Variants in ARHGAP10 observed in about 807,000 individuals in gnomAD.
ARHGAP10 encodes rho GTPase-activating protein 10.
In ARHGAP10, 87 loss-of-function variants were observed where a neutral mutation model predicts 108.6. That is an observed-to-expected ratio of 0.80 (90% CI 0.67 to 0.96). The LOEUF (loss-of-function observed/expected upper bound fraction) is 0.96. Among genes scored for constraint, ARHGAP10 ranks in the 40% least tolerant of loss-of-function variants. The pLI is 0.00. For synonymous variants in ARHGAP10, 347 were observed against 341.1 expected (o/e 1.02, Z -0.19); for missense variants, 939 against 954.5 (o/e 0.98, Z 0.21).
At chr4:147,785,015 T>C (rs1730824237) in intron 1 of ARHGAP10, among the ~76,000 whole-genome samples, 1 of 133,506 alleles carries the variant, frequency 7.5e-6, no homozygotes, top group Non-Finnish European at 1.5e-5. Flanking sequence ...TGTTATATAT[T>C]ATAAAATATA....
At chr4:147,821,051 C>T (rs1407421808) in intron 1 of ARHGAP10, among the ~76,000 whole-genome samples, 1 of 152,134 alleles carries the variant, frequency 6.6e-6, no homozygotes, top group Non-Finnish European at 1.5e-5. Context: ...CATGCATGTA[C>T]AGGGCTGGCT....
chr4:147,815,170 C>G (rs1450789367), intron 1 of ARHGAP10, among the ~76,000 whole-genome samples: 1 of 152,316 alleles, frequency 6.6e-6, no homozygotes, highest in East Asian at 1.9e-4. Flanking sequence ...CCTGCTGCCG[C>G]CCTTGTCCAC....
At chr4:147,888,176 C>T (rs992841789) in intron 10 of ARHGAP10, among the ~76,000 whole-genome samples, 2 of 152,178 alleles carry the variant, frequency 1.3e-5, no homozygotes, top group African/African-American at 4.8e-5. Flanking sequence ...TGGAGTTCAG[C>T]CCTTAGATGT....
intron 5 of ARHGAP10, chr4:147,862,398 G>A (rs1029272366): frequency 3.1e-4 from 47 of 152,538 alleles, no homozygotes; most frequent in African/African-American, 1.1e-3. Flanking sequence ...GTCCAGAGCT[G>A]TGGCTGCACG....
chr4:147,905,830 G>A (rs2126908316), intron 10 of ARHGAP10, among the ~76,000 whole-genome samples: 1 of 151,864 alleles, frequency 6.6e-6, no homozygotes, highest in Non-Finnish European at 1.5e-5. Flanking sequence ...GGGCAGTATG[G>A]CCATTTTCAC....
chr4:147,911,960 G>A (rs971676193), intron 12 of ARHGAP10, among the ~76,000 whole-genome samples: 26 of 142,436 alleles, frequency 1.8e-4, no homozygotes, highest in Non-Finnish European at 3.0e-5. Context: ...AAAGGATTGT[G>A]TTCTTAGATT....
chr4:147,940,355 A>C (rs1405273490), intron 14 of ARHGAP10, among the ~76,000 whole-genome samples: 1 of 152,220 alleles, frequency 6.6e-6, no homozygotes, highest in East Asian at 1.9e-4. Context: ...TGTAGTTCAC[A>C]CCAGGCTCTC....
intron 19 of ARHGAP10, among the ~76,000 whole-genome samples, chr4:148,036,816 T>C (rs1728398290): frequency 6.6e-6 from 1 of 152,232 alleles, no homozygotes; most frequent in Non-Finnish European, 1.5e-5. Context: ...TCAGCCATGC[T>C]GCTCAGACTG....
chr4:147,755,403 A>G (rs1275721017), intron 1 of ARHGAP10, among the ~76,000 whole-genome samples: 1 of 151,684 alleles, frequency 6.6e-6, no homozygotes, highest in Non-Finnish European at 1.5e-5. Context: ...ACAGGAAGGG[A>G]CCCTAGCTAC....
intron 19 of ARHGAP10, among the ~76,000 whole-genome samples, chr4:148,042,891 T>G (rs1728694628): frequency 6.6e-6 from 1 of 152,130 alleles, no homozygotes. Context: ...TAAGAATATG[T>G]TGGGGTCTTC....
At chr4:148,060,647 T>A (rs1340633849) in intron 20 of ARHGAP10, among the ~76,000 whole-genome samples, 1 of 152,162 alleles carries the variant, frequency 6.6e-6, no homozygotes, top group East Asian at 1.9e-4. Flanking sequence ...AGACACTGTC[T>A]CCAGCCTTGC....
At chr4:147,911,453 C>G (rs1736725302) in intron 12 of ARHGAP10, among the ~76,000 whole-genome samples, 1 of 152,190 alleles carries the variant, frequency 6.6e-6, no homozygotes, top group Non-Finnish European at 1.5e-5. Context: ...AGCTCCGCCT[C>G]CCGGGTTCAC....
chr4:147,837,650 T>TTTTTTTTTTTTTTTTTTTTTTTTG (rs71250029), intron 3 of ARHGAP10, among the ~76,000 whole-genome samples: 5 of 112,084 alleles, frequency 4.5e-5, no homozygotes, highest in Middle Eastern at 8.1e-3. Context: ...ACTGTTTTTT[T>TTTTTTTTTTTTTTTTTTTTTTTTG]TTTTTTTTTT....
chr4:147,938,409 A>G (rs1283250299), intron 13 of ARHGAP10, among the ~76,000 whole-genome samples: 1 of 152,228 alleles, frequency 6.6e-6, no homozygotes. Context: ...TAAAAAAAGC[A>G]AAGAGAAAAA....
rs574071009 is a variant in ARHGAP10 at position 147,913,879 on chromosome 4, G to A, written c.1228+740G>A. ...GTTTAAAAAAATCAGCTTGCCAGAC[G>A]TGGTGGCTCACGCTGGTAATCCCAG... On this transcript the variant is annotated intron_variant, in intron 13 of 22. Transcript: ENST00000336498. Among the ~76,000 whole-genome samples, 15 of 152,274 alleles carry A rather than the reference G, an allele frequency of 9.9e-5. 1 individual carries two copies. Among genetic ancestry groups the A allele is most frequent in the Middle Eastern group, 3.4e-3 (1 of 294 alleles).
intron 1 of ARHGAP10, among the ~76,000 whole-genome samples, chr4:147,787,540 G>A (rs968119058): frequency 6.6e-6 from 1 of 152,170 alleles, no homozygotes; most frequent in Non-Finnish European, 1.5e-5. Context: ...CTCTGGGCAG[G>A]AGAGGTGGTT....
chr4:147,931,490 C>T (rs1737680532), intron 13 of ARHGAP10, among the ~76,000 whole-genome samples: 1 of 151,940 alleles, frequency 6.6e-6, no homozygotes, highest in Non-Finnish European at 1.5e-5. Context: ...CATTTTGGCC[C>T]AAGTCTATAT....
chr4:147,992,372 T>C (rs991179724), intron 18 of ARHGAP10, among the ~76,000 whole-genome samples: 7 of 152,200 alleles, frequency 4.6e-5, no homozygotes, highest in African/African-American at 1.4e-4. Flanking sequence ...ATTTGTCTTT[T>C]GGATTTTTCT....
chr4:147,756,425 T>A (rs145247214), intron 1 of ARHGAP10, among the ~76,000 whole-genome samples: 6 of 152,200 alleles, frequency 3.9e-5, no homozygotes, highest in African/African-American at 1.2e-4. Flanking sequence ...TCCATTAACT[T>A]CAGTTAATCA....
Sources: allele counts gnomAD v4.1 joint callset (sites outside exome capture counted in the v4.1 genomes callset), GRCh38; gene constraint gnomAD v4.1.1; transcripts MANE v1.5; gene names NCBI Gene and HGNC (gene_info 2026-07-23, HGNC 2026-07-21).